The following MALRD1 variants were observed in gnomAD, a reference collection of about 807,000 sequenced individuals.
The protein encoded by MALRD1 is MAM and LDL-receptor class A domain-containing protein 1.
Under a neutral mutation model 242.1 loss-of-function variants are expected in MALRD1, and 247 were observed. That is an observed-to-expected ratio of 1.02 (90% CI 0.92 to 1.13). MALRD1 has a LOEUF of 1.13. Among genes scored for constraint, MALRD1 ranks in the 50% most tolerant of loss-of-function variants. The pLI is 0.00. For missense variants in MALRD1, 2,989 were observed against 2,533.1 expected (o/e 1.18, Z -3.86); for synonymous variants, 995 against 866.6 (o/e 1.15, Z -2.60).
intron 26 of MALRD1, among the ~76,000 whole-genome samples, chr10:19,368,921 G>GTGTA (rs1564599912): frequency 6.5e-4 from 96 of 146,864 alleles, no homozygotes; most frequent in Non-Finnish European, 8.1e-4. Flanking sequence ...GTGTGTGTGT[G>GTGTA]TATGTAATTT....
At position 19,618,931 on chromosome 10, in the gene MALRD1, T is replaced by G. The variant is rs981411915; in HGVS notation, c.6137+3008T>G. ...CGATGCTTGCAGTTTCTCTTCTGTTTGTCTACACTCGCTCACTCTCTAATC... is the reference window on the plus strand; with the variant it reads ...CGATGCTTGCAGTTTCTCTTCTGTTGGTCTACACTCGCTCACTCTCTAATC... On this transcript the variant is annotated intron_variant, in intron 36 of 39. Transcript: ENST00000454679. Among the ~76,000 whole-genome samples the G allele has an allele frequency of 4.6e-5, 7 of 152,042 alleles. No homozygotes were observed. In the South Asian group the frequency reaches 1.2e-3, roughly 27 times the overall value.
At chr10:19,470,790 T>TC (rs397789843) in intron 29 of MALRD1, among the ~76,000 whole-genome samples, 1 of 151,570 alleles carries the variant, frequency 6.6e-6, no homozygotes, top group Non-Finnish European at 1.5e-5. Context: ...TTATTTTTTT[T>TC]CTGTTGTATG....
chr10:19,516,527 A>T (rs1454404316), intron 31 of MALRD1, among the ~76,000 whole-genome samples: 1 of 152,178 alleles, frequency 6.6e-6, no homozygotes, highest in Non-Finnish European at 1.5e-5. Flanking sequence ...GTGGAACAAG[A>T]TTGCTTTCCT....
intron 33 of MALRD1, among the ~76,000 whole-genome samples, chr10:19,569,495 C>T (rs963307666): frequency 2.0e-5 from 3 of 151,614 alleles, no homozygotes; most frequent in Admixed American, 1.3e-4. Flanking sequence ...TCTCCATCTT[C>T]CCAAGCATGA....
intron 26 of MALRD1, among the ~76,000 whole-genome samples, chr10:19,382,206 C>A (rs1845865733): frequency 6.6e-6 from 1 of 152,106 alleles, no homozygotes; most frequent in Admixed American, 6.6e-5. Flanking sequence ...ATCATCCTCA[C>A]AGTATGTTGT....
At chr10:19,434,080 C>T (rs1834253871) in intron 28 of MALRD1, among the ~76,000 whole-genome samples, 1 of 152,104 alleles carries the variant, frequency 6.6e-6, no homozygotes, top group African/African-American at 2.4e-5. Context: ...TCTTCAGCTC[C>T]TTTGATCTTC....
intron 21 of MALRD1, among the ~76,000 whole-genome samples, chr10:19,317,359 C>A (rs1332469677): frequency 6.6e-6 from 1 of 151,844 alleles, no homozygotes; most frequent in Non-Finnish European, 1.5e-5. Context: ...ACCCTAAAAA[C>A]CCAACCACCT....
intron 26 of MALRD1, among the ~76,000 whole-genome samples, chr10:19,380,615 A>G (rs1220190356): frequency 6.6e-6 from 1 of 151,976 alleles, no homozygotes; most frequent in Non-Finnish European, 1.5e-5. Flanking sequence ...TAGAAGTTTA[A>G]TGTCCATACA....
At chr10:19,245,810 A>G (rs751674776) in intron 18 of MALRD1, among the ~76,000 whole-genome samples, 1 of 152,218 alleles carries the variant, frequency 6.6e-6, no homozygotes, top group African/African-American at 2.4e-5. Context: ...GAAACATTAG[A>G]TTAAATGATA....
chr10:19,163,264 C>G (rs954903733), intron 12 of MALRD1, among the ~76,000 whole-genome samples: 3 of 150,538 alleles, frequency 2.0e-5, no homozygotes, highest in African/African-American at 7.3e-5. Flanking sequence ...AGATGCCCAG[C>G]AATGACAGAT....
At chr10:19,374,710 TG>T (rs1244391856) in intron 26 of MALRD1, among the ~76,000 whole-genome samples, 2 of 152,234 alleles carry the variant, frequency 1.3e-5, no homozygotes, top group East Asian at 3.9e-4. Flanking sequence ...GGATCCACAA[TG>T]GTGGTATGCA....
intron 28 of MALRD1, among the ~76,000 whole-genome samples, chr10:19,423,475 C>A (rs900052976): frequency 2.6e-5 from 4 of 151,614 alleles, no homozygotes; most frequent in East Asian, 1.9e-4. Context: ...AAAACATAAA[C>A]CTACAATGAA....
At chr10:19,531,698 G>A (rs1834424435) in intron 32 of MALRD1, among the ~76,000 whole-genome samples, 1 of 152,138 alleles carries the variant, frequency 6.6e-6, no homozygotes, top group African/African-American at 2.4e-5. Context: ...ATAATGGTGA[G>A]GAAGATAATT....
At position 19,708,292 on chromosome 10, in the gene MALRD1, AT is replaced by A. The variant is rs1422092132; in HGVS notation, c.6314+15739del. ...CCCACAATTTACACCATGACTACAT[AT>A]GATGTTATGTGTTTTTTTTTTTAAC... is the stretch of plus-strand genomic sequence containing the variant. On this transcript the variant is annotated intron_variant, in intron 38 of 39. Transcript: ENST00000454679. Among the ~76,000 whole-genome samples, 6 of 117,466 alleles carry A rather than the reference AT, an allele frequency of 5.1e-5. 2 individuals carry two copies. Among genetic ancestry groups the A allele is most frequent in the African/African-American group, 1.6e-4 (6 of 37,488 alleles). The allele number at this position is 117,466 out of a possible 152,430, so 77.1% of individuals were successfully genotyped here. A position where few individuals can be genotyped will look rare whatever the true frequency, so the allele number is the denominator to read the frequency against.
At chr10:19,234,403 T>G (rs906945311) in intron 18 of MALRD1, among the ~76,000 whole-genome samples, 1 of 152,128 alleles carries the variant, frequency 6.6e-6, no homozygotes, top group Non-Finnish European at 1.5e-5. Context: ...GTTTATGTTT[T>G]ATTATTGACT....
intron 36 of MALRD1, among the ~76,000 whole-genome samples, chr10:19,690,059 A>C (rs1270600513): frequency 6.6e-6 from 1 of 152,082 alleles, no homozygotes; most frequent in Non-Finnish European, 1.5e-5. Context: ...ATACACAAGA[A>C]AAACTGAAGT....
rs145142920 is a variant in MALRD1 at position 19,387,833 on chromosome 10, T to A, written c.4687+60T>A. 3.3e-4 allele frequency: 495 copies of A among 1,503,382 alleles called. No individual in the cohort carries two copies. The African/African-American group carries it at 6.0e-3, about 18-fold the overall frequency. The allele number at this position is 1,503,382 out of a possible 1,614,324, so 93.1% of individuals were successfully genotyped here. A position where few individuals can be genotyped will look rare whatever the true frequency, so the allele number is the denominator to read the frequency against. On this transcript the variant is annotated intron_variant, in intron 27 of 39. Transcript: ENST00000454679. ...GATTTTCACAATGTACATCAAAATG[T>A]CTTTTCTGATAGCAACTGGGGAGCT... is the stretch of plus-strand genomic sequence containing the variant.
At chr10:19,275,512 C>CA (rs548504996) in intron 19 of MALRD1, among the ~76,000 whole-genome samples, 59 of 151,974 alleles carry the variant, frequency 3.9e-4, no homozygotes, top group Non-Finnish European at 5.9e-4. Flanking sequence ...ACTAAAAATA[C>CA]AAAAAAATTA....
intron 29 of MALRD1, among the ~76,000 whole-genome samples, chr10:19,484,589 G>T (rs1196657507): frequency 6.6e-6 from 1 of 151,990 alleles, no homozygotes; most frequent in African/African-American, 2.4e-5. Context: ...ATTACAAATT[G>T]GACTACAGAA....
Sources: gnomAD v4.1 joint callset for allele counts (sites outside exome capture counted in the v4.1 genomes callset) on GRCh38, gnomAD v4.1.1 for gene constraint, MANE v1.5 for transcripts, NCBI Gene and HGNC (gene_info 2026-07-23, HGNC 2026-07-21) for gene names.